CD300LG: variants seen among roughly 807,000 people sequenced by gnomAD.
The protein encoded by CD300LG is CD300 molecule like family member g.
Under a neutral mutation model 31.5 loss-of-function variants are expected in CD300LG, and 29 were observed. The observed-to-expected ratio is 0.92, with a 90% CI of 0.68 to 1.25. The LOEUF (loss-of-function observed/expected upper bound fraction) is 1.25. Among genes scored for constraint, CD300LG ranks in the 50% most tolerant of loss-of-function variants. The pLI is 0.00. For missense variants in CD300LG, 396 were observed against 417.6 expected, an observed-to-expected ratio of 0.95 and a Z score of 0.45; for synonymous variants, 175 against 177.2, an observed-to-expected ratio of 0.99 and a Z score of 0.10.
Position 43,847,281 on chromosome 17 carries a change from G to T in CD300LG, c.43+22G>T, listed in dbSNP as rs71383000. ...CCAGGTGAGATGGGGAGAGGGTCTCGGGAGGGATGTGGGGCTCACCCTTGT... is the reference window on the plus strand; with the variant it reads ...CCAGGTGAGATGGGGAGAGGGTCTCTGGAGGGATGTGGGGCTCACCCTTGT... On this transcript the variant is annotated intron_variant, in intron 1 of 6. Transcript: ENST00000317310. 6 of 1,613,244 alleles carry T rather than the reference G, an allele frequency of 3.7e-6. No homozygotes were observed. In the South Asian group the frequency reaches 4.4e-5, roughly 12 times the overall value.
intron 6 of CD300LG, chr17:43,861,055 A>G (rs1025084395): frequency 3.1e-6 from 3 of 981,032 alleles, no homozygotes; most frequent in East Asian, 2.3e-4. Flanking sequence ...CGTTTCCCTC[A>G]TCTTGCTTGG....
At chr17:43,858,406 A>G (rs978085424) in intron 6 of CD300LG, 3 of 985,316 alleles carry the variant, frequency 3.0e-6, no homozygotes, top group Admixed American at 6.1e-5. Context: ...CTGGGGTCCA[A>G]GGAGGCTGAG....
At chr17:43,853,648 C>T (rs1328212152) in intron 3 of CD300LG, among the ~76,000 whole-genome samples, 159 bp from the exon 4 acceptor site, 1 of 152,136 alleles carries the variant, frequency 6.6e-6, no homozygotes, top group African/African-American at 2.4e-5. Flanking sequence ...AAAGTGGCTT[C>T]ATCTAGATCT....
chr17:43,848,767 C>T lies in CD300LG; in HGVS notation c.253C>T (p.Arg85Cys), dbSNP rs904244227. The T allele has an allele frequency of 3.7e-6, 6 of 1,614,138 alleles. No homozygotes were observed. Among genetic ancestry groups the T allele is most frequent in the South Asian group, 1.1e-5 (1 of 91,078 alleles). The change falls in exon 2 of 7, where the codon CGC becomes TGC. Residue 85 changes from arginine to cysteine, a missense_variant. By Grantham distance (180) the Arg-to-Cys change is radical. Coordinates refer to ENST00000317310, the MANE Select transcript of CD300LG (RefSeq NM_145273.4). ...GGGCAGGGTGTCCATCCGTGACAGC[C>T]GCCAGGAGCTCTCGCTCATTGTGAC... ...MKGRVSIRDS[R>C]QELSLIVTLW...
At chr17:43,859,033 C>T (rs999669263) in intron 6 of CD300LG, among the ~76,000 whole-genome samples, 1 of 152,154 alleles carries the variant, frequency 6.6e-6, no homozygotes, top group Non-Finnish European at 1.5e-5. Context: ...GAAATACAGG[C>T]TCAGAGAGAA....
chr17:43,861,037 C>A, intron 6 of CD300LG: 1 of 949,990 alleles, frequency 1.1e-6, no homozygotes, highest in Non-Finnish European at 1.3e-6. Flanking sequence ...CCTTGCCCAC[C>A]CCTCCCACGT....
intron 1 of CD300LG, 152 bp from the exon 2 acceptor site, chr17:43,848,406 G>A (rs894232950): frequency 1.5e-5 from 10 of 650,764 alleles, no homozygotes; most frequent in Non-Finnish European, 2.6e-5. Context: ...AGTTCCCCCA[G>A]CGTGGGAGGT....
At chr17:43,861,176 C>A in intron 6 of CD300LG, 1 of 985,426 alleles carries the variant, frequency 1.0e-6, no homozygotes, top group African/African-American at 1.7e-5. Flanking sequence ...TGTGATCAAC[C>A]TTGCAGGGCC....
At chr17:43,851,090 T>C (rs982927100) in intron 2 of CD300LG, among the ~76,000 whole-genome samples, 1 of 133,412 alleles carries the variant, frequency 7.5e-6, no homozygotes, top group Non-Finnish European at 1.5e-5. Flanking sequence ...GCCAAGATCG[T>C]GCCACTGCAC....
At chr17:43,854,538 G>A (rs1390292959) in intron 4 of CD300LG, among the ~76,000 whole-genome samples, 3 of 152,134 alleles carry the variant, frequency 2.0e-5, no homozygotes, top group Admixed American at 6.5e-5. Context: ...ATGGGGGCGG[G>A]GATCCGTTCC....
intron 2 of CD300LG, among the ~76,000 whole-genome samples, chr17:43,851,329 TCA>T (rs2046348363): frequency 1.3e-5 from 2 of 152,102 alleles, no homozygotes; most frequent in South Asian, 4.1e-4. Flanking sequence ...TGTGCCAGCA[TCA>T]CACACACAAA....
intron 2 of CD300LG, chr17:43,849,994 A>T (rs929513508): frequency 3.3e-5 from 5 of 152,180 alleles, no homozygotes; most frequent in African/African-American, 1.2e-4. Context: ...TTCACATGTC[A>T]TTTCTACCAG....
At chr17:43,851,680 G>A (rs759553182) in intron 2 of CD300LG, among the ~76,000 whole-genome samples, 5 of 135,260 alleles carry the variant, frequency 3.7e-5, no homozygotes, top group East Asian at 4.2e-4. Flanking sequence ...ACGGAGTCTC[G>A]CTCTGTCGCC....
chr17:43,851,009 C>T (rs907393979), intron 2 of CD300LG, among the ~76,000 whole-genome samples: 2 of 151,606 alleles, frequency 1.3e-5, no homozygotes, highest in African/African-American at 4.8e-5. Flanking sequence ...GTGGCAGGTG[C>T]CTGTAATCCC....
chr17:43,851,063 G>A (rs893366860), intron 2 of CD300LG, among the ~76,000 whole-genome samples: 1 of 150,832 alleles, frequency 6.6e-6, no homozygotes. Flanking sequence ...CAACCCGGGA[G>A]GCGGAGGTTG....
In CD300LG at chr17:43,855,306, G is replaced by A; in HGVS notation, c.819G>A (p.Leu273=). 14 of 1,585,588 alleles carry A rather than the reference G, an allele frequency of 8.8e-6. No homozygotes were observed. The highest frequency in any genetic ancestry group is 1.2e-5 in the Non-Finnish European group (14 of 1,168,712). ...GLIAFCSHLL[L]WRKEAQQATE... is the part of the protein sequence containing the mutation. ...TCGCCTTCTGCAGCCACCTGCTCCTGTGGAGAAAGGAAGGTGAGCAAAGGT... is the reference window on the plus strand; with the variant it reads ...TCGCCTTCTGCAGCCACCTGCTCCTATGGAGAAAGGAAGGTGAGCAAAGGT... Residue 273 remains leucine (L), a synonymous_variant, in exon 5 of 7, where the codon CTG becomes CTA. Coordinates refer to ENST00000317310, the MANE Select transcript of CD300LG (RefSeq NM_145273.4).
At chr17:43,853,525 C>T (rs976001823) in intron 3 of CD300LG, among the ~76,000 whole-genome samples, 3 of 151,974 alleles carry the variant, frequency 2.0e-5, no homozygotes, top group African/African-American at 4.8e-5. Flanking sequence ...GTCATGGAAG[C>T]GGGGAAGGGG....
At chr17:43,847,342 GC>G in intron 1 of CD300LG, 83 bp downstream of exon 1, 4 of 1,262,326 alleles carry the variant, frequency 3.2e-6, no homozygotes, top group Non-Finnish European at 4.3e-6. Flanking sequence ...CTGACTGATA[GC>G]CCCACCCCAC....
chr17:43,850,517 C>T (rs745884280), intron 2 of CD300LG, among the ~76,000 whole-genome samples: 5 of 152,118 alleles, frequency 3.3e-5, no homozygotes, highest in East Asian at 3.9e-4. Context: ...GTCATCCAGA[C>T]GGGAGTGCAG....
Sources: allele counts gnomAD v4.1 joint callset (sites outside exome capture counted in the v4.1 genomes callset), GRCh38; gene constraint gnomAD v4.1.1; transcripts MANE v1.5; gene names NCBI Gene and HGNC (gene_info 2026-07-23, HGNC 2026-07-21).